The following SLC16A7 variants were observed in gnomAD, a reference collection of about 807,000 sequenced individuals.
SLC16A7 encodes monocarboxylate transporter 2.
Under a neutral mutation model 34.9 loss-of-function variants are expected in SLC16A7, and 33 were observed. The observed-to-expected ratio is 0.94, with a 90% CI of 0.72 to 1.26. SLC16A7 has a LOEUF of 1.26. Ranked by LOEUF, SLC16A7 falls within the 50% of genes most tolerant of loss-of-function variation. SLC16A7 has a pLI of 0.00. For missense variants in SLC16A7, 573 were observed against 578.1 expected (o/e 0.99, Z 0.09); for synonymous variants, 201 against 206.6 (o/e 0.97, Z 0.23).
chr12:59,613,203 T>C (rs1009206466), intron 1 of SLC16A7, among the ~76,000 whole-genome samples: 16 of 152,244 alleles, frequency 1.1e-4, no homozygotes, highest in Non-Finnish European at 2.4e-4. Context: ...CTTCACATGA[T>C]GGCAGGAAAG....
chr12:59,709,681 C>CTGTGGA (rs1210789846), intron 3 of SLC16A7, among the ~76,000 whole-genome samples: 1 of 151,518 alleles, frequency 6.6e-6, no homozygotes, highest in Non-Finnish European at 1.5e-5. Context: ...CTTTGACAGC[C>CTGTGGA]CTGTGCAAGT....
chr12:59,717,453 A>C (rs907284026), intron 3 of SLC16A7, among the ~76,000 whole-genome samples: 5 of 152,250 alleles, frequency 3.3e-5, no homozygotes, highest in African/African-American at 1.2e-4. Context: ...CCCTGATAAA[A>C]TGAACTGTAA....
chr12:59,716,785 G>A (rs1221672708), intron 3 of SLC16A7, among the ~76,000 whole-genome samples: 1 of 152,150 alleles, frequency 6.6e-6, no homozygotes, highest in East Asian at 1.9e-4. Context: ...AGGGGAAGTT[G>A]CTGTGAGCTG....
At chr12:59,772,380 A>C (rs1882318728) in intron 4 of SLC16A7, among the ~76,000 whole-genome samples, 1 of 152,140 alleles carries the variant, frequency 6.6e-6, no homozygotes, top group Non-Finnish European at 1.5e-5. Context: ...TGTGTAGAGA[A>C]ATTGACTACT....
intron 2 of SLC16A7, among the ~76,000 whole-genome samples, chr12:59,681,412 C>T (rs762986184): frequency 6.6e-6 from 1 of 152,140 alleles, no homozygotes; most frequent in Admixed American, 6.5e-5. Flanking sequence ...GCTCTGTAAG[C>T]ATACAGTTGG....
At chr12:59,765,477 A>G (rs1233315092) in intron 3 of SLC16A7, among the ~76,000 whole-genome samples, 3 of 152,182 alleles carry the variant, frequency 2.0e-5, no homozygotes, top group Non-Finnish European at 4.4e-5. Context: ...TCTAACATGT[A>G]AGTCTTTAAT....
At chr12:59,761,028 A>T in intron 3 of SLC16A7, 3 of 438,752 alleles carry the variant, frequency 6.8e-6, no homozygotes, top group South Asian at 5.9e-5. Flanking sequence ...TTTTTTAAAC[A>T]ACTAGTCTTC....
At chr12:59,768,218 A>C (rs1881875281) in intron 3 of SLC16A7, 1 of 455,502 alleles carries the variant, frequency 2.2e-6, no homozygotes, top group Admixed American at 2.4e-5. Context: ...CATCACGATC[A>C]TTCACTGTTA....
At chr12:59,737,890 G>A (rs1237181165) in intron 3 of SLC16A7, among the ~76,000 whole-genome samples, 2 of 152,164 alleles carry the variant, frequency 1.3e-5, no homozygotes, top group Non-Finnish European at 2.9e-5. Flanking sequence ...GCTTGCGCCT[G>A]TAGGTCACTG....
chr12:59,619,983 G>C (rs1199650210), intron 1 of SLC16A7, among the ~76,000 whole-genome samples: 2 of 152,058 alleles, frequency 1.3e-5, no homozygotes, highest in Non-Finnish European at 1.5e-5. Context: ...GTAAATAATA[G>C]AGATGGTGTT....
intron 5 of SLC16A7, among the ~76,000 whole-genome samples, chr12:59,777,750 C>T (rs553085240): frequency 1.3e-5 from 2 of 150,972 alleles, no homozygotes; most frequent in African/African-American, 4.9e-5. Context: ...TGTGCTGTAC[C>T]CATTAACTCG....
chr12:59,760,961 T>C (rs1216564275), intron 3 of SLC16A7, among the ~76,000 whole-genome samples: 1 of 152,140 alleles, frequency 6.6e-6, no homozygotes, highest in Non-Finnish European at 1.5e-5. Flanking sequence ...TTGTTGTTAG[T>C]GAAATATATC....
intron 3 of SLC16A7, among the ~76,000 whole-genome samples, chr12:59,763,070 T>C (rs1274796048): frequency 1.3e-5 from 2 of 152,062 alleles, no homozygotes. Context: ...GTTAAAATAT[T>C]CTATTATACT....
chr12:59,610,532 A>C (rs1038279722), intron 1 of SLC16A7, among the ~76,000 whole-genome samples: 3 of 152,200 alleles, frequency 2.0e-5, no homozygotes, highest in Admixed American at 2.0e-4. Flanking sequence ...TTCAGCTCCA[A>C]TTATACTTTA....
chr12:59,773,870 A>G (rs908718906), intron 4 of SLC16A7, among the ~76,000 whole-genome samples: 1 of 152,140 alleles, frequency 6.6e-6, no homozygotes, highest in Admixed American at 6.6e-5. Flanking sequence ...GCCTAAATCA[A>G]TGTACTTTTT....
At chr12:59,702,078 T>C (rs1423036730) in intron 2 of SLC16A7, among the ~76,000 whole-genome samples, 2 of 151,728 alleles carry the variant, frequency 1.3e-5, no homozygotes, top group Non-Finnish European at 3.0e-5. Flanking sequence ...TCTTCTAGGG[T>C]TTCTTTTTTT....
intron 3 of SLC16A7, 122 bp from the exon 4 acceptor site, chr12:59,771,097 C>A: frequency 1.2e-6 from 1 of 831,056 alleles, no homozygotes; most frequent in African/African-American, 1.7e-5. Context: ...TTCATGTGAA[C>A]TAGTATTTCT....
At chr12:59,694,762 A>T (rs1349465947) in intron 2 of SLC16A7, among the ~76,000 whole-genome samples, 1 of 152,008 alleles carries the variant, frequency 6.6e-6, no homozygotes, top group African/African-American at 2.4e-5. Flanking sequence ...CTAAAACACT[A>T]CCTTTCATTT....
chr12:59,602,836 G>T (rs1448886169), intron 1 of SLC16A7, among the ~76,000 whole-genome samples: 1 of 151,928 alleles, frequency 6.6e-6, no homozygotes, highest in African/African-American at 2.4e-5. Context: ...ATCTGCTCTG[G>T]ACCTCCGCTT....
Sources: gnomAD v4.1 joint callset for allele counts (sites outside exome capture counted in the v4.1 genomes callset) on GRCh38, gnomAD v4.1.1 for gene constraint, MANE v1.5 for transcripts, NCBI Gene and HGNC (gene_info 2026-07-23, HGNC 2026-07-21) for gene names.